The following TLK2 variants were observed in gnomAD, a reference collection of about 807,000 sequenced individuals.
TLK2 encodes serine/threonine-protein kinase tousled-like 2.
In TLK2, 6 loss-of-function variants were observed where a neutral mutation model predicts 117.3. That is an observed-to-expected ratio of 0.05 (90% confidence interval 0.03 to 0.10). The LOEUF is 0.10. TLK2 is among the 10% of genes least tolerant of loss of function. The probability of loss-of-function intolerance (pLI) is 1.00; values close to 1 mark genes in which losing one functional copy is unlikely to be tolerated. For synonymous variants in TLK2, 257 were observed against 316.7 expected (o/e 0.81, Z 2.00); for missense variants, 299 against 901.2 (o/e 0.33, Z 8.56).
intron 16 of TLK2, among the ~76,000 whole-genome samples, chr17:62,594,777 T>G (rs2082335222): frequency 6.8e-6 from 1 of 147,496 alleles, no homozygotes; most frequent in African/African-American, 2.6e-5. Context: ...TGCCATCCCA[T>G]TGCAGGGCGG....
intron 10 of TLK2, among the ~76,000 whole-genome samples, chr17:62,562,774 C>G (rs2079400525): frequency 6.6e-6 from 1 of 152,146 alleles, no homozygotes; most frequent in South Asian, 2.1e-4. Context: ...TAAATATGTA[C>G]TAAATCCTGT....
rs35309536 is a variant in TLK2, at chr17:62,513,318, CT to C, written c.82-7436del. On this transcript the variant is annotated intron_variant, in intron 2 of 21. Transcript: ENST00000346027. Reference sequence around the variant, plus strand: ...CAATTTATGTAATTTATTAAATTGCCTTTTTTTTTTTTTTTTTTTAAAGAGA... The same window carrying C: ...CAATTTATGTAATTTATTAAATTGCCTTTTTTTTTTTTTTTTTTAAAGAGA... Among the ~76,000 whole-genome samples, 1,646 of 99,840 alleles carry C rather than the reference CT, an allele frequency of 0.016. 52 individuals carry two copies. In the East Asian group the frequency reaches 0.18, roughly 11 times the overall value. 65.5% of individuals were successfully genotyped at this position (99,840 alleles called of 152,430 possible).
chr17:62,516,333 C>G (rs748788261), intron 2 of TLK2: 1 of 1,350,002 alleles, frequency 7.4e-7, no homozygotes, highest in South Asian at 1.2e-5. Flanking sequence ...ACTGAGGTGG[C>G]TGACCACGTC....
chr17:62,529,136 G>T (rs2076572709), intron 6 of TLK2, among the ~76,000 whole-genome samples: 1 of 152,176 alleles, frequency 6.6e-6, no homozygotes, highest in African/African-American at 2.4e-5. Context: ...ATCTCTCGCT[G>T]TGATTGTGGA....
At chr17:62,506,675 A>G (rs2074719367) in intron 2 of TLK2, among the ~76,000 whole-genome samples, 1 of 151,812 alleles carries the variant, frequency 6.6e-6, no homozygotes, top group Non-Finnish European at 1.5e-5. Flanking sequence ...TCATTTTTCT[A>G]TTTCTTTGTT....
chr17:62,576,664 T>C (rs1304202831), intron 12 of TLK2, 45 bp from the exon 13 acceptor site: 1 of 1,450,130 alleles, frequency 6.9e-7, no homozygotes, highest in East Asian at 2.3e-5. Flanking sequence ...ACAGGCAAAC[T>C]ATGATTTCTA....
rs1010067520 is a variant in TLK2 at position 62,612,789 on chromosome 17, G to A, written c.*224G>A. 10 of 373,208 alleles carry A rather than the reference G, an allele frequency of 2.7e-5. No individual in the cohort carries two copies. The East Asian group carries it at 3.2e-4, about 12-fold the overall frequency. The allele number at this position is 373,208 out of a possible 1,614,324, so 23.1% of individuals were successfully genotyped here. On this transcript the variant is annotated 3_prime_UTR_variant, in exon 22 of 22. Transcript: ENST00000346027. ...GGCCTTGTAGGAAAAGGCCCCGCCC[G>A]AGGTTCCAGCGTCAACGGCCACTGT...
At chr17:62,601,534 TGAA>T (rs941175688) in intron 18 of TLK2, among the ~76,000 whole-genome samples, 1 of 152,224 alleles carries the variant, frequency 6.6e-6, no homozygotes, top group African/African-American at 2.4e-5. Flanking sequence ...TTAATTATGA[TGAA>T]GAAATTTTTT....
chr17:62,478,621 G>A (rs950405035), upstream of TLK2, among the ~76,000 whole-genome samples: 1 of 150,936 alleles, frequency 6.6e-6, no homozygotes, highest in African/African-American at 2.4e-5. Flanking sequence ...GGGGTCCCCT[G>A]GTTAACCCCT....
At chr17:62,524,210 C>T (rs956593969) in intron 5 of TLK2, 26 bp from the exon 6 acceptor site, 13 of 1,613,398 alleles carry the variant, frequency 8.1e-6, no homozygotes, top group Non-Finnish European at 1.1e-5. Flanking sequence ...TTGAATTATT[C>T]ATATCGGTTT....
At chr17:62,524,361 C>G in intron 6 of TLK2, 30 bp downstream of exon 6, 1 of 1,587,946 alleles carries the variant, frequency 6.3e-7, no homozygotes, top group South Asian at 1.1e-5. Flanking sequence ...AATTTGACAC[C>G]TGTTGTAGGA....
At chr17:62,502,427 A>AT (rs2074281484) in intron 2 of TLK2, among the ~76,000 whole-genome samples, 1 of 152,226 alleles carries the variant, frequency 6.6e-6, no homozygotes, top group Non-Finnish European at 1.5e-5. Context: ...AAAAATATAT[A>AT]AGTAACATCA....
At chr17:62,498,197 A>G (rs2073877933) in intron 2 of TLK2, among the ~76,000 whole-genome samples, 1 of 152,190 alleles carries the variant, frequency 6.6e-6, no homozygotes, top group Non-Finnish European at 1.5e-5. Context: ...GGAAAATTTC[A>G]TTCACCGTAA....
intron 21 of TLK2, among the ~76,000 whole-genome samples, chr17:62,608,654 C>A (rs1338699249): frequency 6.6e-6 from 1 of 152,102 alleles, no homozygotes; most frequent in African/African-American, 2.4e-5. Context: ...GCTGGGGAGA[C>A]CTTAGGAAAC....
In TLK2 at chr17:62,586,127, C is replaced by T. The variant is rs1413660720; in HGVS notation, c.1369-8C>T. ...ATTTACCCAGTATATAATTTATTCT[C>T]TTTATAGGCATTTGATCTAACAGAG... On this transcript the variant is annotated splice_region_variant and splice_polypyrimidine_tract_variant and intron_variant, in intron 15 of 21. Coordinates refer to ENST00000346027, the MANE Select transcript of TLK2 (RefSeq NM_006852.6). 9 of 1,607,054 alleles carry T rather than the reference C, an allele frequency of 5.6e-6. No homozygotes were observed. The highest frequency in any genetic ancestry group is 4.0e-5 in the African/African-American group (3 of 74,580).
chr17:62,576,678 G>C (rs1352349373), intron 12 of TLK2, 31 bp from the exon 13 acceptor site: 1 of 1,556,308 alleles, frequency 6.4e-7, no homozygotes, highest in African/African-American at 1.4e-5. Context: ...ATTTCTAGTA[G>C]TTTACTGAAA....
intron 2 of TLK2, among the ~76,000 whole-genome samples, chr17:62,491,894 A>G (rs375562380): frequency 6.6e-5 from 10 of 152,200 alleles, no homozygotes; most frequent in East Asian, 5.8e-4. Context: ...CCCATATCTT[A>G]CTCTTAACAT....
intron 15 of TLK2, among the ~76,000 whole-genome samples, chr17:62,584,137 C>T (rs373297263): frequency 5.5e-5 from 5 of 91,408 alleles, no homozygotes; most frequent in South Asian, 3.9e-4. Context: ...TTTTTTGATA[C>T]GGAATCTCGC....
At chr17:62,584,107 G>GTTTTTTTTTTTTTTTTTTTTT (rs572000997) in intron 15 of TLK2, among the ~76,000 whole-genome samples, 4 of 78,524 alleles carry the variant, frequency 5.1e-5, no homozygotes, top group Non-Finnish European at 6.8e-5. Context: ...TTCTTTTGTG[G>GTTTTTTTTTTTTTTTTTTTTT]TTTTTTTTTT....
Sources: allele counts gnomAD v4.1 joint callset (sites outside exome capture counted in the v4.1 genomes callset), GRCh38; gene constraint gnomAD v4.1.1; transcripts MANE v1.5; gene names NCBI Gene and HGNC (gene_info 2026-07-23, HGNC 2026-07-21).